Variants in PIEZO2 observed in about 807,000 individuals in gnomAD.
PIEZO2 encodes piezo-type mechanosensitive ion channel component 2.
In PIEZO2, 172 loss-of-function variants were observed where a neutral mutation model predicts 337.3. The observed-to-expected ratio is 0.51, with a 90% CI of 0.45 to 0.58. The LOEUF (loss-of-function observed/expected upper bound fraction) is 0.58. PIEZO2 is among the 20% of genes least tolerant of loss of function. The pLI is 0.00. For missense variants in PIEZO2, 3,028 were observed against 3,391.3 expected (o/e 0.89, Z 2.66); for synonymous variants, 1,251 against 1,228.5 (o/e 1.02, Z -0.38).
In PIEZO2 at chr18:10,750,145, A is replaced by G; in HGVS notation, c.4210T>C (p.Cys1404Arg). ...AGGCTGAAAGCCTGGATCAACCAAC[A>G]ACTATTGTGCACCAATGTTCCAATG... Reference protein sequence around the residue: ...GYIGTLVHNSCWLIQAFSLAC... With the variant: ...GYIGTLVHNSRWLIQAFSLAC... The change falls in exon 29 of 56, where the codon TGT becomes CGT. Residue 1404 changes from cysteine (C) to arginine (R), a missense_variant. By Grantham distance (180) the Cys-to-Arg change is radical. Transcript: ENST00000674853. The surrounding 1 kb of genome is among the most constrained non-coding windows in gnomAD (Gnocchi z 4.1). The G allele has an allele frequency of 6.5e-7, 1 of 1,537,190 alleles. No individual in the cohort carries two copies. Among genetic ancestry groups the G allele is most frequent in the Non-Finnish European group, 8.7e-7 (1 of 1,146,854 alleles).
At chr18:11,118,513 G>T (rs1165030838) in intron 1 of PIEZO2, among the ~76,000 whole-genome samples, 2 of 152,132 alleles carry the variant, frequency 1.3e-5, no homozygotes, top group African/African-American at 4.8e-5. Context: ...CTAACCTTTG[G>T]ATCTCATTCA....
chr18:10,753,848 A>G (rs1021458538), intron 27 of PIEZO2, among the ~76,000 whole-genome samples: 1 of 152,322 alleles, frequency 6.6e-6, no homozygotes, highest in Middle Eastern at 3.4e-3. Flanking sequence ...ACACTTAAAC[A>G]TTTTTATAAC....
At chr18:10,975,530 G>A (rs966286331) in intron 3 of PIEZO2, among the ~76,000 whole-genome samples, 3 of 152,082 alleles carry the variant, frequency 2.0e-5, no homozygotes, top group Non-Finnish European at 4.4e-5. Context: ...CTGCACAACG[G>A]CACCTTTAAC....
intron 2 of PIEZO2, among the ~76,000 whole-genome samples, chr18:11,042,038 C>T (rs187867540): frequency 6.6e-6 from 1 of 152,284 alleles, no homozygotes; most frequent in East Asian, 1.9e-4. Flanking sequence ...TTGCTGAAGG[C>T]CAAATCATCT....
chr18:10,785,778 G>A (rs116306536), intron 16 of PIEZO2, among the ~76,000 whole-genome samples: 2,291 of 152,122 alleles, frequency 0.015, 40 homozygotes, highest in African/African-American at 0.052. Context: ...TCACAGGACC[G>A]CTGCTGCTGC....
chr18:10,869,957 C>A (rs1223593455), intron 5 of PIEZO2, among the ~76,000 whole-genome samples: 1 of 151,800 alleles, frequency 6.6e-6, no homozygotes, highest in African/African-American at 2.4e-5. Context: ...CTCACTGCAA[C>A]CTCTACCTCC....
At chr18:11,142,807 G>C (rs1479880366) in intron 1 of PIEZO2, among the ~76,000 whole-genome samples, 2 of 149,504 alleles carry the variant, frequency 1.3e-5, no homozygotes, top group East Asian at 2.0e-4. Context: ...GACCGGGCAC[G>C]GTGGCTCACA....
chr18:10,889,619 C>T (rs2042700374), intron 4 of PIEZO2, among the ~76,000 whole-genome samples: 1 of 152,192 alleles, frequency 6.6e-6, no homozygotes, highest in African/African-American at 2.4e-5. Flanking sequence ...CCCAACATTT[C>T]GTGGCTCTGA....
At chr18:10,800,279 G>C (rs545951855) in intron 11 of PIEZO2, 58 bp downstream of exon 11, 19 of 1,488,658 alleles carry the variant, frequency 1.3e-5, no homozygotes, top group Admixed American at 5.4e-5. Context: ...CAAAAAGAGA[G>C]AGGCCAAGCT....
At chr18:10,715,964 C>G in intron 37 of PIEZO2, 148 bp from the exon 38 acceptor site, 1 of 653,594 alleles carries the variant, frequency 1.5e-6, no homozygotes, top group Non-Finnish European at 2.5e-6. Flanking sequence ...TCATGACGCA[C>G]GGAGGAGAGC....
chr18:10,802,677 A>G (rs929918272), intron 9 of PIEZO2, among the ~76,000 whole-genome samples: 1 of 152,186 alleles, frequency 6.6e-6, no homozygotes, highest in Admixed American at 6.5e-5. Flanking sequence ...GGTCAAAAAG[A>G]AGTATTTTAG....
chr18:10,789,503 A>C, intron 14 of PIEZO2, 138 bp from the exon 15 acceptor site: 1 of 1,005,336 alleles, frequency 9.9e-7, no homozygotes, highest in Non-Finnish European at 1.4e-6. Flanking sequence ...GACTATTCTC[A>C]TAAACTCAGC....
chr18:10,749,758 A>G (rs2037575435), intron 29 of PIEZO2, among the ~76,000 whole-genome samples: 1 of 152,218 alleles, frequency 6.6e-6, no homozygotes. Flanking sequence ...TAAGTGGAGC[A>G]ACAGCAGGTT....
At position 10,853,775 on chromosome 18, in the gene PIEZO2, C is replaced by T. The variant is rs972072148; in HGVS notation, c.917+1578G>A. Among the ~76,000 whole-genome samples the T allele has an allele frequency of 7.2e-5, 11 of 152,178 alleles. No individual in the cohort carries two copies. ...TGTTAAGCCATTTTTAAGTTGCAGA[C>T]ATCAAGGCACAGCTTATCTAAATAA... On this transcript the variant is annotated intron_variant, in intron 7 of 55. Coordinates refer to ENST00000674853, the MANE Select transcript of PIEZO2 (RefSeq NM_001378183.1). This position sits in a 1 kb window ranked among gnomAD's most constrained non-coding sequence, Gnocchi z 4.2.
intron 42 of PIEZO2, among the ~76,000 whole-genome samples, chr18:10,703,417 C>T (rs998372973): frequency 6.6e-6 from 1 of 152,186 alleles, no homozygotes; most frequent in African/African-American, 2.4e-5. Flanking sequence ...AAATAAGATG[C>T]ATGCTATCAA....
In PIEZO2 at chr18:10,853,354, T is replaced by C. The variant is rs2041611490; in HGVS notation, c.917+1999A>G. Reference sequence around the variant, plus strand: ...CTGCTTAGCCCACTTCCAAGTGTACTTCACTTCCTTTCATTCCTGCTCTAA... The same window carrying C: ...CTGCTTAGCCCACTTCCAAGTGTACCTCACTTCCTTTCATTCCTGCTCTAA... On this transcript the variant is annotated intron_variant, in intron 7 of 55. Coordinates refer to ENST00000674853, the MANE Select transcript of PIEZO2 (RefSeq NM_001378183.1). This position sits in a 1 kb window ranked among gnomAD's most constrained non-coding sequence, Gnocchi z 4.2. Among the ~76,000 whole-genome samples the C allele has an allele frequency of 6.6e-6, 1 of 152,228 alleles. No homozygotes were observed. Among genetic ancestry groups the C allele is most frequent in the African/African-American group, 2.4e-5 (1 of 41,460 alleles).
rs531904438 is a variant in PIEZO2, at chr18:10,754,038, T to C, written c.3924-1159A>G. ...GGAATTGGGCTGCTAGCATTTTGAG[T>C]GTGTGTGCCTGTGAGTGCAGCTTAT... On this transcript the variant is annotated intron_variant, in intron 27 of 55. Transcript: ENST00000674853. Among the ~76,000 whole-genome samples, 18 of 152,206 alleles carry C rather than the reference T, an allele frequency of 1.2e-4. No individual in the cohort carries two copies. In the South Asian group the frequency reaches 3.7e-3, roughly 32 times the overall value.
intron 1 of PIEZO2, among the ~76,000 whole-genome samples, chr18:11,082,670 C>A (rs757818730): frequency 6.6e-6 from 1 of 152,088 alleles, no homozygotes. Context: ...ACAAATAATT[C>A]TTAAAGTTTT....
chr18:11,044,219 T>G (rs2037224590), intron 2 of PIEZO2, among the ~76,000 whole-genome samples: 1 of 150,154 alleles, frequency 6.7e-6, no homozygotes. Flanking sequence ...AATATATATT[T>G]AAATAATACT....
Sources: allele counts gnomAD v4.1 joint callset (sites outside exome capture counted in the v4.1 genomes callset), GRCh38; gene constraint gnomAD v4.1.1; non-coding constraint Gnocchi (gnomAD v3.1); transcripts MANE v1.5; gene names NCBI Gene and HGNC (gene_info 2026-07-23, HGNC 2026-07-21).